The following MYO5B variants were observed in gnomAD, a reference collection of about 807,000 sequenced individuals.
The protein encoded by MYO5B is myosin VB.
In MYO5B, 143 loss-of-function variants were observed where a neutral mutation model predicts 229.3. The observed-to-expected ratio is 0.62, with a 90% confidence interval of 0.54 to 0.72. The LOEUF (loss-of-function observed/expected upper bound fraction) is 0.72. Among genes scored for constraint, MYO5B ranks in the 30% least tolerant of loss-of-function variants. The pLI is 0.00. For missense variants in MYO5B, 2,321 were observed against 2,331.0 expected (o/e 1.00, Z 0.09); for synonymous variants, 918 against 885.2 (o/e 1.04, Z -0.66).
chr18:50,192,989 G>C (rs1003099994), intron 1 of MYO5B, among the ~76,000 whole-genome samples: 1 of 152,100 alleles, frequency 6.6e-6, no homozygotes, highest in Non-Finnish European at 1.5e-5. Context: ...TTGACACATT[G>C]TAGGTATATT....
chr18:50,045,281 A>G (rs1474049619), intron 2 of MYO5B, among the ~76,000 whole-genome samples: 1 of 152,202 alleles, frequency 6.6e-6, no homozygotes, highest in Non-Finnish European at 1.5e-5. Context: ...CTTACAGATG[A>G]GGCTATGACA....
At chr18:50,082,037 T>C (rs1204346524) in intron 1 of MYO5B, among the ~76,000 whole-genome samples, 1 of 152,252 alleles carries the variant, frequency 6.6e-6, no homozygotes, top group Non-Finnish European at 1.5e-5. Context: ...TTTATACCCA[T>C]AAAAGTCAGT....
At chr18:49,912,789 T>A (rs1455210775) in intron 17 of MYO5B, among the ~76,000 whole-genome samples, 1 of 152,258 alleles carries the variant, frequency 6.6e-6, no homozygotes, top group African/African-American at 2.4e-5. Flanking sequence ...TATGTCTTTA[T>A]TAGCAGCATG....
At chr18:49,986,125 T>C (rs2025867794) in intron 7 of MYO5B, among the ~76,000 whole-genome samples, 1 of 152,210 alleles carries the variant, frequency 6.6e-6, no homozygotes, top group South Asian at 2.1e-4. Context: ...TTTTGTGAAG[T>C]GGCCACCACA....
chr18:49,826,169 T>C lies in MYO5B; in HGVS notation c.*302A>G, dbSNP rs746672084. ...ATCAAAACTAGGCAGCTTCGTTTTA[T>C]AGAATTGACACCTTTTATATGTCTA... On this transcript the variant is annotated 3_prime_UTR_variant, in exon 40 of 40. Coordinates refer to ENST00000285039, the MANE Select transcript of MYO5B (RefSeq NM_001080467.3). 1.7e-4 allele frequency: 66 copies of C among 378,694 alleles called. 1 individual carries two copies. The highest frequency in any genetic ancestry group is 1.7e-3 in the Admixed American group (43 of 25,130). The allele number at this position is 378,694 out of a possible 1,614,324, so 23.5% of individuals were successfully genotyped here.
rs552763050 is a variant in MYO5B, at chr18:50,133,601, T to C, written c.27+61166A>G. Among the ~76,000 whole-genome samples the C allele has an allele frequency of 2.2e-4, 34 of 152,300 alleles. 1 individual carries two copies. The South Asian group carries it at 7.1e-3, about 32-fold the overall frequency. On this transcript the variant is annotated intron_variant, in intron 1 of 39. Coordinates refer to ENST00000285039, the MANE Select transcript of MYO5B (RefSeq NM_001080467.3). ...CCATCCCTCCGTCCGTCCGTCTGTC[T>C]GTCTGTCCCCCCACTGCAACCCCAT...
intron 1 of MYO5B, among the ~76,000 whole-genome samples, chr18:50,162,588 G>A (rs2032783248): frequency 3.9e-5 from 6 of 152,166 alleles, no homozygotes; most frequent in Admixed American, 3.9e-4. Context: ...GGCTCATCAG[G>A]ACATCTTTGG....
At chr18:49,842,465 T>C (rs1196763898) in intron 34 of MYO5B, among the ~76,000 whole-genome samples, 1 of 152,214 alleles carries the variant, frequency 6.6e-6, no homozygotes, top group African/African-American at 2.4e-5. Context: ...CTTTTGAGAA[T>C]GGCTTGTATC....
chr18:50,065,334 T>G (rs1017111205), intron 1 of MYO5B, among the ~76,000 whole-genome samples: 5 of 152,194 alleles, frequency 3.3e-5, no homozygotes, highest in Admixed American at 2.0e-4. Flanking sequence ...GTTTTCACAC[T>G]GCTATAAAGA....
At chr18:50,138,279 T>C (rs2032365979) in intron 1 of MYO5B, among the ~76,000 whole-genome samples, 1 of 152,250 alleles carries the variant, frequency 6.6e-6, no homozygotes, top group Non-Finnish European at 1.5e-5. Context: ...ATGTTTTCTC[T>C]ATCAAGCTGA....
At chr18:50,007,314 C>A (rs1033829089) in intron 4 of MYO5B, among the ~76,000 whole-genome samples, 1 of 152,182 alleles carries the variant, frequency 6.6e-6, no homozygotes, top group Non-Finnish European at 1.5e-5. Flanking sequence ...CCTACATTAG[C>A]ACATCCTATT....
chr18:50,067,813 T>C (rs1386846459), intron 1 of MYO5B, among the ~76,000 whole-genome samples: 1 of 152,140 alleles, frequency 6.6e-6, no homozygotes, highest in Non-Finnish European at 1.5e-5. Flanking sequence ...ATGAGCCAAA[T>C]ACACCTCTTC....
In MYO5B at chr18:50,169,008, G is replaced by A. The variant is rs754195693; in HGVS notation, c.27+25759C>T. Among the ~76,000 whole-genome samples, 11 of 125,946 alleles carry A rather than the reference G, an allele frequency of 8.7e-5. 2 individuals carry two copies. The highest frequency in any genetic ancestry group is 1.7e-4 in the Non-Finnish European group (10 of 59,384). 82.6% of individuals were successfully genotyped at this position (125,946 alleles called of 152,430 possible). A position where few individuals can be genotyped will look rare whatever the true frequency, so the allele number is the denominator to read the frequency against. ...CCCATAAAGTCAGAGAGAGAAGGGC[G>A]AAAAAGCTATATAGGGGGCTTGGCA... On this transcript the variant is annotated intron_variant, in intron 1 of 39. Coordinates refer to ENST00000285039, the MANE Select transcript of MYO5B (RefSeq NM_001080467.3).
chr18:50,054,702 C>T (rs2030496999), intron 2 of MYO5B, among the ~76,000 whole-genome samples: 1 of 152,176 alleles, frequency 6.6e-6, no homozygotes, highest in Non-Finnish European at 1.5e-5. Flanking sequence ...AAAAAATGCT[C>T]ACTACAGCAG....
intron 22 of MYO5B, among the ~76,000 whole-genome samples, chr18:49,889,582 A>T (rs2024684828): frequency 6.6e-6 from 1 of 152,124 alleles, no homozygotes; most frequent in Non-Finnish European, 1.5e-5. Flanking sequence ...CATGGAGCAA[A>T]ACTTTGCTTC....
intron 14 of MYO5B, among the ~76,000 whole-genome samples, chr18:49,951,813 AG>A (rs571004201): frequency 1.1e-3 from 161 of 152,288 alleles, no homozygotes; most frequent in African/African-American, 3.4e-3. Flanking sequence ...ATCGTGAGGA[AG>A]GGGATCCTAG....
chr18:49,992,242 AT>A, intron 6 of MYO5B, 45 bp downstream of exon 6: 2 of 1,613,672 alleles, frequency 1.2e-6, no homozygotes, highest in East Asian at 2.2e-5. Context: ...AAGTAAGGTA[AT>A]TGTCCATGAG....
At chr18:49,873,876 C>T (rs1006738559) in intron 26 of MYO5B, among the ~76,000 whole-genome samples, 7 of 152,170 alleles carry the variant, frequency 4.6e-5, no homozygotes, top group East Asian at 1.9e-4. Flanking sequence ...ACCCTCACAG[C>T]GCCTCAGTCA....
intron 3 of MYO5B, among the ~76,000 whole-genome samples, chr18:50,039,574 G>A (rs1006294875): frequency 6.6e-6 from 1 of 152,068 alleles, no homozygotes; most frequent in Non-Finnish European, 1.5e-5. Flanking sequence ...CTCGTGATCC[G>A]CCCGCCTCGG....
Sources: allele counts gnomAD v4.1 joint callset (sites outside exome capture counted in the v4.1 genomes callset), GRCh38; gene constraint gnomAD v4.1.1; transcripts MANE v1.5; gene names NCBI Gene and HGNC (gene_info 2026-07-23, HGNC 2026-07-21).